The following SORCS1 variants were observed in gnomAD, a reference collection of about 807,000 sequenced individuals.
SORCS1 encodes sortilin related VPS10 domain containing receptor 1, also known as VPS10 domain-containing receptor SorCS1.
In SORCS1, 60 loss-of-function variants were observed where a neutral mutation model predicts 146.1. The observed-to-expected ratio is 0.41, with a 90% CI of 0.33 to 0.51. The LOEUF is 0.51. Ranked by LOEUF, SORCS1 falls within the 20% of genes least tolerant of loss-of-function variation. The pLI is 0.21. For missense variants in SORCS1, 1,352 were observed against 1,487.6 expected, an observed-to-expected ratio of 0.91 and a Z score of 1.50; for synonymous variants, 637 against 584.0, an observed-to-expected ratio of 1.09 and a Z score of -1.31.
intron 3 of SORCS1, among the ~76,000 whole-genome samples, chr10:106,829,088 T>G (rs1948422162): frequency 6.6e-6 from 1 of 152,220 alleles, no homozygotes; most frequent in South Asian, 2.1e-4. Context: ...CTAAATGCAC[T>G]GCATTCATCC....
chr10:107,052,173 T>C (rs991121097), intron 1 of SORCS1, among the ~76,000 whole-genome samples: 1 of 152,298 alleles, frequency 6.6e-6, no homozygotes, highest in Admixed American at 6.5e-5. Flanking sequence ...GTTAAATATG[T>C]CTGGTTCTGG....
chr10:107,005,717 G>A (rs1957413837), intron 1 of SORCS1, among the ~76,000 whole-genome samples: 1 of 151,964 alleles, frequency 6.6e-6, no homozygotes, highest in African/African-American at 2.4e-5. Flanking sequence ...TTGTAATCAT[G>A]GGGAAATTTT....
At chr10:107,082,184 A>G (rs1215045776) in intron 1 of SORCS1, among the ~76,000 whole-genome samples, 1 of 152,152 alleles carries the variant, frequency 6.6e-6, no homozygotes, top group South Asian at 2.1e-4. Flanking sequence ...TTCTGTCCTC[A>G]AGGCATGGTT....
At chr10:107,033,024 T>C (rs545516567) in intron 1 of SORCS1, among the ~76,000 whole-genome samples, 93 of 152,276 alleles carry the variant, frequency 6.1e-4, no homozygotes, top group African/African-American at 2.1e-3. Context: ...AAGAACTACC[T>C]GAGACTAGAT....
intron 18 of SORCS1, 101 bp from the exon 19 acceptor site, chr10:106,629,489 G>T: frequency 8.0e-7 from 1 of 1,253,104 alleles, no homozygotes. Context: ...GCTCAGGCAT[G>T]ATGGCAGCCC....
intron 1 of SORCS1, among the ~76,000 whole-genome samples, chr10:106,986,536 GTGTGTGTGTGTGTC>G (rs1956482529): frequency 1.3e-5 from 2 of 151,522 alleles, no homozygotes; most frequent in Admixed American, 1.3e-4. Context: ...GTGTGTGTGT[GTGTGTGTGTGTGTC>G]TGTGAGTGTG....
intron 18 of SORCS1, among the ~76,000 whole-genome samples, chr10:106,648,591 C>G (rs1849625654): frequency 6.6e-6 from 1 of 152,124 alleles, no homozygotes; most frequent in South Asian, 2.1e-4. Context: ...GTGTCTCTGT[C>G]TGGGTCATTT....
intron 2 of SORCS1, among the ~76,000 whole-genome samples, chr10:106,922,459 A>G (rs1952761183): frequency 6.6e-6 from 1 of 152,256 alleles, no homozygotes; most frequent in Admixed American, 6.5e-5. Context: ...CGTTGATAAT[A>G]AAGTCAAAAC....
intron 5 of SORCS1, among the ~76,000 whole-genome samples, chr10:106,745,692 T>C (rs1857680673): frequency 6.6e-6 from 1 of 152,200 alleles, no homozygotes; most frequent in Non-Finnish European, 1.5e-5. Context: ...CTGAACTTAG[T>C]TACTTGCTTC....
intron 2 of SORCS1, among the ~76,000 whole-genome samples, chr10:106,923,814 G>A (rs1287441907): frequency 1.3e-5 from 2 of 152,130 alleles, no homozygotes; most frequent in Non-Finnish European, 2.9e-5. Context: ...ATGTTTGTTT[G>A]TGTTTGATTT....
intron 5 of SORCS1, among the ~76,000 whole-genome samples, chr10:106,738,847 C>G (rs1183324791): frequency 6.6e-6 from 1 of 152,010 alleles, no homozygotes; most frequent in Non-Finnish European, 1.5e-5. Context: ...TTTAAAAAGG[C>G]CAGGCACAGT....
intron 1 of SORCS1, among the ~76,000 whole-genome samples, chr10:107,130,439 A>T (rs1966854460): frequency 6.6e-6 from 1 of 152,232 alleles, no homozygotes; most frequent in Non-Finnish European, 1.5e-5. Context: ...TAATTTTGAG[A>T]GGTAAACCAG....
At chr10:106,942,853 C>A (rs528572496) in intron 2 of SORCS1, among the ~76,000 whole-genome samples, 1 of 152,322 alleles carries the variant, frequency 6.6e-6, no homozygotes, top group East Asian at 1.9e-4. Context: ...TTTTCAGTCT[C>A]TTTTCACTGA....
At chr10:106,965,079 C>T (rs1349134968) in intron 1 of SORCS1, among the ~76,000 whole-genome samples, 2 of 151,890 alleles carry the variant, frequency 1.3e-5, no homozygotes, top group African/African-American at 4.8e-5. Context: ...CCAACAATGT[C>T]ATCAAGGACC....
chr10:106,743,964 C>T (rs1857535982), intron 5 of SORCS1, among the ~76,000 whole-genome samples: 1 of 151,944 alleles, frequency 6.6e-6, no homozygotes, highest in African/African-American at 2.4e-5. Context: ...AAGACTTTTG[C>T]ATCATATCAC....
At chr10:106,618,099 C>A in intron 21 of SORCS1, 50 bp downstream of exon 21, 1 of 1,608,342 alleles carries the variant, frequency 6.2e-7, no homozygotes, top group Non-Finnish European at 8.5e-7. Flanking sequence ...CACAAGAGAA[C>A]CTCCTCTGAG....
intron 1 of SORCS1, among the ~76,000 whole-genome samples, chr10:106,991,331 G>T (rs1190411227): frequency 6.6e-6 from 1 of 152,188 alleles, no homozygotes; most frequent in Non-Finnish European, 1.5e-5. Flanking sequence ...TGACAAGCTG[G>T]ATAGGAAGAT....
intron 18 of SORCS1, among the ~76,000 whole-genome samples, chr10:106,636,052 T>C (rs1369965364): frequency 4.6e-5 from 7 of 152,154 alleles, no homozygotes; most frequent in African/African-American, 9.6e-5. Flanking sequence ...CATCAGCCAG[T>C]GTAGTAAATG....
chr10:107,103,663 C>T (rs1965104685), intron 1 of SORCS1, among the ~76,000 whole-genome samples: 1 of 152,164 alleles, frequency 6.6e-6, no homozygotes, highest in Non-Finnish European at 1.5e-5. Context: ...TCTCCTTTCC[C>T]CTCAGTCCCC....
Sources: gnomAD v4.1 joint callset for allele counts (sites outside exome capture counted in the v4.1 genomes callset) on GRCh38, gnomAD v4.1.1 for gene constraint, MANE v1.5 for transcripts, NCBI Gene and HGNC (gene_info 2026-07-23, HGNC 2026-07-21) for gene names.